Variants in UBE2F observed in about 807,000 individuals in gnomAD.
UBE2F encodes the protein ubiquitin conjugating enzyme E2 F (putative).
A neutral mutation model predicts 29.6 loss-of-function variants in UBE2F; 5 were observed. The ratio of observed to expected loss-of-function variants is 0.17; its 90% CI spans 0.09 to 0.36. The LOEUF is 0.36. Among genes scored for constraint, UBE2F ranks in the 10% least tolerant of loss-of-function variants. The pLI is 1.00. For missense variants in UBE2F, 141 were observed against 228.5 expected, an observed-to-expected ratio of 0.62 and a Z score of 2.47; for synonymous variants, 66 against 81.8, an observed-to-expected ratio of 0.81 and a Z score of 1.04.
chr2:238,025,252 T>C (rs540158044), intron 5 of UBE2F, 90 bp from the exon 6 acceptor site: 2 of 1,110,012 alleles, frequency 1.8e-6, no homozygotes, highest in East Asian at 4.7e-5. Flanking sequence ...GAAACAAGCG[T>C]CTAGATAGGG....
intron 5 of UBE2F, among the ~76,000 whole-genome samples, chr2:238,022,182 T>TTC (rs2064312365): frequency 6.6e-5 from 7 of 106,462 alleles, no homozygotes; most frequent in Non-Finnish European, 1.5e-4. Context: ...TTTCTTTTTT[T>TTC]TTTTGGAGAC....
In UBE2F at chr2:238,007,612, G is replaced by A. The variant is rs190483833; in HGVS notation, c.215-8954G>A. 2.8e-3 allele frequency among the ~76,000 whole-genome samples: 431 copies of A among 152,038 alleles called. 3 individuals are homozygous for A. Among genetic ancestry groups the A allele is most frequent in the Middle Eastern group, 3.4e-3 (1 of 294 alleles). On this transcript the variant is annotated intron_variant, in intron 4 of 9. Coordinates refer to ENST00000272930, the MANE Select transcript of UBE2F (RefSeq NM_080678.3). ...GCTTAATTTGCCAAATGCTTTTTCTGCATCTACTGAGGTGATCATAATGGT... is the reference window on the plus strand; with the variant it reads ...GCTTAATTTGCCAAATGCTTTTTCTACATCTACTGAGGTGATCATAATGGT...
chr2:238,019,617 C>T (rs976375976), intron 5 of UBE2F, among the ~76,000 whole-genome samples: 3 of 150,052 alleles, frequency 2.0e-5, no homozygotes, highest in Non-Finnish European at 4.4e-5. Flanking sequence ...CTGCCCGCCA[C>T]GGCCTCCCAA....
chr2:237,970,935 A>T (rs1559196754), intron 1 of UBE2F, among the ~76,000 whole-genome samples: 1 of 151,980 alleles, frequency 6.6e-6, no homozygotes, highest in Non-Finnish European at 1.5e-5. Context: ...CTGGTCTAGA[A>T]CTCCTGACCT....
chr2:237,993,711 T>TA (rs1431396838), intron 3 of UBE2F, among the ~76,000 whole-genome samples: 8 of 152,026 alleles, frequency 5.3e-5, no homozygotes, highest in East Asian at 3.9e-4. Flanking sequence ...AGACCCTGTC[T>TA]AAAAAAAAGT....
chr2:238,020,372 G>A (rs1246669218), intron 5 of UBE2F, among the ~76,000 whole-genome samples: 1 of 152,190 alleles, frequency 6.6e-6, no homozygotes, highest in Non-Finnish European at 1.5e-5. Context: ...ATTCAGGATA[G>A]AGTGTGAGGG....
At chr2:238,038,096 AGG>A (rs2064758481) in intron 9 of UBE2F, among the ~76,000 whole-genome samples, 2 of 152,234 alleles carry the variant, frequency 1.3e-5, no homozygotes, top group Non-Finnish European at 2.9e-5. Flanking sequence ...AAGAGTGGGC[AGG>A]AGCACCTCCG....
At position 238,035,903 on chromosome 2, in the gene UBE2F, TGAA is replaced by T; in HGVS notation, c.471_473del (p.Asn158del). 1 of 1,613,134 alleles carries T rather than the reference TGAA, an allele frequency of 6.2e-7. No individual in the cohort carries two copies. The highest frequency in any genetic ancestry group is 8.5e-7 in the Non-Finnish European group (1 of 1,179,974). On this transcript the variant is annotated inframe_deletion, in exon 9 of 10. Transcript: ENST00000272930. ...GATCTTTTGAATTTTGATGATCCAC[TGAA>T]TATTGAAGCTGCAGAACATCATTTG...
At chr2:237,994,997 G>T (rs896875362) in intron 4 of UBE2F, among the ~76,000 whole-genome samples, 188 bp downstream of exon 4, 4 of 152,166 alleles carry the variant, frequency 2.6e-5, no homozygotes, top group Non-Finnish European at 5.9e-5. Flanking sequence ...TGAATTTGAG[G>T]CATTCAGTGT....
intron 4 of UBE2F, among the ~76,000 whole-genome samples, chr2:238,005,484 C>T (rs1235687529): frequency 6.6e-6 from 1 of 152,196 alleles, no homozygotes; most frequent in East Asian, 1.9e-4. Context: ...GCAGGAGCCA[C>T]CATGCCCGGC....
At chr2:237,994,174 G>C (rs1190371202) in intron 3 of UBE2F, among the ~76,000 whole-genome samples, 2 of 147,884 alleles carry the variant, frequency 1.4e-5, no homozygotes. Context: ...GCAATGGCGC[G>C]ATCTTGGCTC....
chr2:237,971,492 T>A (rs1382928234), intron 1 of UBE2F, among the ~76,000 whole-genome samples: 1 of 152,092 alleles, frequency 6.6e-6, no homozygotes, highest in Non-Finnish European at 1.5e-5. Flanking sequence ...CCGGCTAATT[T>A]TTTTGTATTT....
chr2:237,974,156 G>C (rs573883650), intron 2 of UBE2F, among the ~76,000 whole-genome samples: 275 of 132,264 alleles, frequency 2.1e-3, no homozygotes, highest in African/African-American at 7.0e-3. Context: ...ACCACGCCCA[G>C]CTCATTTTTT....
At chr2:238,015,937 A>T (rs1240298167) in intron 4 of UBE2F, among the ~76,000 whole-genome samples, 2 of 152,096 alleles carry the variant, frequency 1.3e-5, no homozygotes, top group Non-Finnish European at 2.9e-5. Context: ...GAGTGGGGGT[A>T]CACAGCATGT....
Position 238,041,317 on chromosome 2 carries a change from C to T in UBE2F, c.537C>T (p.Tyr179=). The part of the protein sequence containing the change: ...KEDFRNKVDD[Y]IKRYAR Reference sequence around the variant, plus strand: ...ACTTCCGGAATAAAGTGGATGACTACATCAAACGTTATGCCAGATGATAAA... The same window carrying T: ...ACTTCCGGAATAAAGTGGATGACTATATCAAACGTTATGCCAGATGATAAA... Residue 179 remains tyrosine (Y), a synonymous_variant, in exon 10 of 10, where the codon TAC becomes TAT. Coordinates refer to ENST00000272930, the MANE Select transcript of UBE2F (RefSeq NM_080678.3). 1 of 1,613,982 alleles carries T rather than the reference C, an allele frequency of 6.2e-7. No individual in the cohort carries two copies. Among genetic ancestry groups the T allele is most frequent in the Non-Finnish European group, 8.5e-7 (1 of 1,179,854 alleles).
chr2:238,022,540 T>C (rs947974076), intron 5 of UBE2F, among the ~76,000 whole-genome samples: 1 of 152,238 alleles, frequency 6.6e-6, no homozygotes, highest in Non-Finnish European at 1.5e-5. Context: ...GTTTCACTGC[T>C]TGAGTTTTGT....
At chr2:237,979,569 G>C (rs902438843) in intron 2 of UBE2F, among the ~76,000 whole-genome samples, 11 of 152,230 alleles carry the variant, frequency 7.2e-5, no homozygotes, top group Non-Finnish European at 1.6e-4. Flanking sequence ...CCGCTGGGAG[G>C]TTCTGTGCTA....
At chr2:238,024,636 A>G (rs1007924089) in intron 5 of UBE2F, among the ~76,000 whole-genome samples, 2 of 152,020 alleles carry the variant, frequency 1.3e-5, no homozygotes, top group African/African-American at 4.8e-5. Context: ...CTGGGTATCT[A>G]TCATTAATTA....
intron 2 of UBE2F, among the ~76,000 whole-genome samples, chr2:237,976,623 A>G (rs746414588): frequency 6.6e-6 from 1 of 152,194 alleles, no homozygotes; most frequent in East Asian, 1.9e-4. Flanking sequence ...TGGAAGGGCA[A>G]AAAGGGCCTA....
Sources: allele counts gnomAD v4.1 joint callset (sites outside exome capture counted in the v4.1 genomes callset), GRCh38; gene constraint gnomAD v4.1.1; transcripts MANE v1.5; gene names NCBI Gene and HGNC (gene_info 2026-07-23, HGNC 2026-07-21).